Variants in CAMK4 observed in about 807,000 individuals in gnomAD.
CAMK4 encodes the protein calcium/calmodulin dependent protein kinase IV.
A neutral mutation model predicts 44.9 loss-of-function variants in CAMK4; 22 were observed. That is an observed-to-expected ratio of 0.49 (90% confidence interval 0.35 to 0.70). The LOEUF is 0.70. CAMK4 is among the 30% of genes least tolerant of loss of function. The pLI, the probability that CAMK4 is intolerant of heterozygous loss-of-function variation, is 0.01. For missense variants in CAMK4, 498 were observed against 586.8 expected (o/e 0.85, Z 1.56); for synonymous variants, 218 against 215.4 (o/e 1.01, Z -0.11).
At chr5:111,373,862 G>A (rs1170799678) in intron 2 of CAMK4, among the ~76,000 whole-genome samples, 1 of 152,100 alleles carries the variant, frequency 6.6e-6, no homozygotes, top group African/African-American at 2.4e-5. Flanking sequence ...AAATTTTGTT[G>A]GAGAGGAAGA....
At chr5:111,344,556 A>C (rs1561427205) in intron 2 of CAMK4, among the ~76,000 whole-genome samples, 1 of 151,910 alleles carries the variant, frequency 6.6e-6, no homozygotes, top group Non-Finnish European at 1.5e-5. Flanking sequence ...TAAAGGAGTC[A>C]TCAGATTCTA....
chr5:111,488,232 T>A lies in CAMK4; in HGVS notation c.*3766T>A, dbSNP rs1755700200. On this transcript the variant is annotated 3_prime_UTR_variant, in exon 11 of 11. Coordinates refer to ENST00000282356, the MANE Select transcript of CAMK4 (RefSeq NM_001744.6). The stretch of plus-strand genomic sequence containing the variant: ...AATGAACCATACCAAATCTGCATGA[T>A]GAAGATTGTGTAATGATGGTGATAT... 2 of 152,332 alleles carry A rather than the reference T, an allele frequency of 1.3e-5. No homozygotes were observed. Among genetic ancestry groups the A allele is most frequent in the African/African-American group, 2.4e-5 (1 of 41,586 alleles). 9.4% of individuals were successfully genotyped at this position (152,332 alleles called of 1,614,324 possible).
Position 111,486,567 on chromosome 5 carries a change from A to G in CAMK4, c.*2101A>G, listed in dbSNP as rs1046565437. 2 of 149,388 alleles carry G rather than the reference A, an allele frequency of 1.3e-5. No individual in the cohort carries two copies. Among genetic ancestry groups the G allele is most frequent in the African/African-American group, 4.9e-5 (2 of 40,440 alleles). 9.3% of individuals were successfully genotyped at this position (149,388 alleles called of 1,614,324 possible). A position where few individuals can be genotyped will look rare whatever the true frequency, so the allele number is the denominator to read the frequency against. ...CGTGTTGGAAGAGCAAAGAGAGGGAAGGGGGTCTTTTTAGAAAGTGGCACT... is the reference window on the plus strand; with the variant it reads ...CGTGTTGGAAGAGCAAAGAGAGGGAGGGGGGTCTTTTTAGAAAGTGGCACT... On this transcript the variant is annotated 3_prime_UTR_variant, in exon 11 of 11. Coordinates refer to ENST00000282356, the MANE Select transcript of CAMK4 (RefSeq NM_001744.6).
At chr5:111,393,820 C>A (rs1034113677) in intron 4 of CAMK4, among the ~76,000 whole-genome samples, 6 of 150,916 alleles carry the variant, frequency 4.0e-5, no homozygotes, top group Non-Finnish European at 7.4e-5. Flanking sequence ...AGCCCCATCA[C>A]AGAAGTTTGT....
intron 7 of CAMK4, among the ~76,000 whole-genome samples, chr5:111,455,533 A>G (rs1436199417): frequency 6.6e-6 from 1 of 152,220 alleles, no homozygotes. Context: ...TCTTAAAACT[A>G]TCCTTGAATG....
chr5:111,224,537 C>T lies in CAMK4; in HGVS notation c.54C>T (p.Thr18=), dbSNP rs570938398. The T allele has an allele frequency of 1.9e-6, 3 of 1,611,422 alleles. No homozygotes were observed. The African/African-American group carries it at 4.0e-5, about 22-fold the overall frequency. ...SCSASSCSSV[T]ASAAPGTASL... ...CCGCCTCGTCCTGCTCTTCGGTCAC[C>T]GCCAGTGCGGCCCCGGGGACCGCGA... is the stretch of plus-strand genomic sequence containing the variant. The change falls in exon 1 of 11, where the codon ACC becomes ACT. Residue 18 remains threonine, a synonymous_variant. Coordinates refer to ENST00000282356, the MANE Select transcript of CAMK4 (RefSeq NM_001744.6). The surrounding 1 kb of genome is among the most constrained non-coding windows in gnomAD (Gnocchi z 5.7).
chr5:111,258,722 C>T (rs571075752), intron 1 of CAMK4, among the ~76,000 whole-genome samples: 1 of 147,074 alleles, frequency 6.8e-6, no homozygotes, highest in South Asian at 2.1e-4. Context: ...ATCACCATTA[C>T]CTCTACAGAG....
chr5:111,430,019 G>C (rs1342783122), intron 5 of CAMK4, among the ~76,000 whole-genome samples: 2 of 150,086 alleles, frequency 1.3e-5, no homozygotes, highest in African/African-American at 4.9e-5. Flanking sequence ...TATCAAAAAA[G>C]AAAACTACAG....
chr5:111,231,406 C>T (rs1748470319), intron 1 of CAMK4, among the ~76,000 whole-genome samples: 2 of 152,180 alleles, frequency 1.3e-5, no homozygotes, highest in Admixed American at 6.5e-5. Context: ...TGTCCCTGGC[C>T]TCTACCTACT....
upstream of CAMK4, chr5:111,224,212 C>T (rs1052474279): frequency 2.0e-5 from 6 of 307,576 alleles, no homozygotes; most frequent in African/African-American, 8.9e-5. The surrounding 1 kb of genome is among the most constrained non-coding windows in gnomAD (Gnocchi z 5.7). Context: ...AGGGAAGGAG[C>T]GAGGGGGAGG....
intron 1 of CAMK4, among the ~76,000 whole-genome samples, chr5:111,253,357 G>A (rs116836756): frequency 0.01 from 1,539 of 152,246 alleles, 26 homozygotes; most frequent in African/African-American, 0.035. Context: ...AGCAGGTGCC[G>A]GCTGCCCTGC....
Position 111,485,330 on chromosome 5 carries a change from C to G in CAMK4, c.*864C>G, listed in dbSNP as rs1755576952. The G allele has an allele frequency of 6.6e-6, 1 of 152,082 alleles. No homozygotes were observed. The highest frequency in any genetic ancestry group is 1.5e-5 in the Non-Finnish European group (1 of 68,012). 9.4% of individuals were successfully genotyped at this position (152,082 alleles called of 1,614,324 possible). Reference sequence around the variant, plus strand: ...CATTTTCCAGATAAAATTGTATTTACTCATGAATTTATACAACTTTACAGA... The same window carrying G: ...CATTTTCCAGATAAAATTGTATTTAGTCATGAATTTATACAACTTTACAGA... On this transcript the variant is annotated 3_prime_UTR_variant, in exon 11 of 11. Transcript: ENST00000282356.
chr5:111,240,100 GT>G (rs952888268), intron 1 of CAMK4, among the ~76,000 whole-genome samples: 14 of 151,856 alleles, frequency 9.2e-5, no homozygotes, highest in African/African-American at 3.1e-4. Flanking sequence ...ATAATTTTTA[GT>G]TTTTTTTCTT....
At chr5:111,481,811 G>A (rs1755443528) in intron 9 of CAMK4, 1 of 152,234 alleles carries the variant, frequency 6.6e-6, no homozygotes, top group African/African-American at 2.4e-5. Context: ...TTATGAATTG[G>A]CACTAGTAGT....
chr5:111,447,206 C>G (rs1172046544), intron 6 of CAMK4, among the ~76,000 whole-genome samples: 1 of 152,072 alleles, frequency 6.6e-6, no homozygotes, highest in African/African-American at 2.4e-5. Context: ...TGAGTCTAGG[C>G]TTTGAGTCGC....
At chr5:111,441,551 G>A (rs1468061237) in intron 5 of CAMK4, among the ~76,000 whole-genome samples, 2 of 152,092 alleles carry the variant, frequency 1.3e-5, no homozygotes, top group African/African-American at 4.8e-5. Flanking sequence ...CAGATTTGTT[G>A]TTTCTGTCTC....
chr5:111,248,238 G>A (rs1174062910), intron 1 of CAMK4, among the ~76,000 whole-genome samples: 2 of 152,156 alleles, frequency 1.3e-5, no homozygotes, highest in Non-Finnish European at 2.9e-5. Context: ...TGTTGACTGA[G>A]AGATATTTTT....
chr5:111,465,704 T>A (rs1580790170), intron 7 of CAMK4, among the ~76,000 whole-genome samples: 1 of 152,134 alleles, frequency 6.6e-6, no homozygotes, highest in Non-Finnish European at 1.5e-5. Flanking sequence ...AAGATTGAAA[T>A]GGTAATTTTA....
chr5:111,462,176 A>T (rs897811333), intron 7 of CAMK4, among the ~76,000 whole-genome samples: 1 of 151,662 alleles, frequency 6.6e-6, no homozygotes, highest in African/African-American at 2.4e-5. Context: ...TTTTCCTTCA[A>T]CCTCTTCCCC....
Sources: allele counts gnomAD v4.1 joint callset (sites outside exome capture counted in the v4.1 genomes callset), GRCh38; gene constraint gnomAD v4.1.1; non-coding constraint Gnocchi (gnomAD v3.1); transcripts MANE v1.5; gene names NCBI Gene and HGNC (gene_info 2026-07-23, HGNC 2026-07-21).